ZHX2: variants seen among roughly 807,000 people sequenced by gnomAD.
ZHX2 encodes zinc fingers and homeoboxes 2, also known as zinc fingers and homeoboxes protein 2.
A neutral mutation model predicts 21.9 loss-of-function variants in ZHX2; 6 were observed. The observed-to-expected ratio is 0.27, with a 90% confidence interval of 0.15 to 0.54. The LOEUF is 0.54. ZHX2 is among the 20% of genes least tolerant of loss of function. The probability of loss-of-function intolerance (pLI) is 0.95; values close to 1 mark genes in which losing one functional copy is unlikely to be tolerated. For missense variants in ZHX2, 908 were observed against 1,090.7 expected, an observed-to-expected ratio of 0.83 and a Z score of 2.36; for synonymous variants, 434 against 437.1, an observed-to-expected ratio of 0.99 and a Z score of 0.09.
At chr8:122,787,507 A>C (rs1447103538) in intron 1 of ZHX2, among the ~76,000 whole-genome samples, 1 of 152,208 alleles carries the variant, frequency 6.6e-6, no homozygotes, top group East Asian at 1.9e-4. Flanking sequence ...GCACATGTCT[A>C]GTTTGGGATG....
At chr8:122,829,434 T>C (rs529165235) in intron 1 of ZHX2, among the ~76,000 whole-genome samples, 2 of 152,380 alleles carry the variant, frequency 1.3e-5, no homozygotes, top group Admixed American at 1.3e-4. Context: ...ACTATGCTAG[T>C]TTTTTCTTTA....
At chr8:122,868,763 G>C (rs1212308698) in intron 2 of ZHX2, among the ~76,000 whole-genome samples, 1 of 151,806 alleles carries the variant, frequency 6.6e-6, no homozygotes, top group African/African-American at 2.4e-5. Context: ...AAGAGGCTGA[G>C]GCAGGAGGAT....
intron 1 of ZHX2, among the ~76,000 whole-genome samples, chr8:122,837,542 CTG>C (rs1818530648): frequency 6.6e-6 from 1 of 152,218 alleles, no homozygotes; most frequent in Non-Finnish European, 1.5e-5. Context: ...TCATTTGCAT[CTG>C]GTGGTCAGAT....
intron 1 of ZHX2, among the ~76,000 whole-genome samples, chr8:122,792,889 G>A (rs34892884): frequency 0.041 from 6,285 of 152,200 alleles, 169 homozygotes; most frequent in South Asian, 0.066. Context: ...TACCTGATTC[G>A]CAGCGTACCT....
chr8:122,885,878 C>T (rs1391998481), intron 2 of ZHX2, among the ~76,000 whole-genome samples: 1 of 152,130 alleles, frequency 6.6e-6, no homozygotes, highest in African/African-American at 2.4e-5. Flanking sequence ...GGCTGTGTGG[C>T]CTAGTGGGCT....
chr8:122,910,753 G>A (rs1248566643), intron 2 of ZHX2, among the ~76,000 whole-genome samples: 1 of 151,542 alleles, frequency 6.6e-6, no homozygotes, highest in African/African-American at 2.4e-5. Context: ...GGGGGGTGGG[G>A]GGTGAGGAAT....
chr8:122,802,167 G>A (rs192629422), intron 1 of ZHX2, among the ~76,000 whole-genome samples: 60 of 152,222 alleles, frequency 3.9e-4, no homozygotes, highest in African/African-American at 1.3e-3. Context: ...CGGTTCCAGC[G>A]ATTTTCCTGC....
chr8:122,786,592 C>T (rs140715257), intron 1 of ZHX2, among the ~76,000 whole-genome samples: 197 of 152,330 alleles, frequency 1.3e-3, no homozygotes, highest in African/African-American at 4.6e-3. Flanking sequence ...ACCGTCATCA[C>T]TGCAACCACC....
At chr8:122,930,853 AGGGGGACCGGCT>A (rs1820972191) in intron 2 of ZHX2, among the ~76,000 whole-genome samples, 1 of 151,924 alleles carries the variant, frequency 6.6e-6, no homozygotes, top group African/African-American at 2.4e-5. Flanking sequence ...CATGGGAAGT[AGGGGGACCGGCT>A]GGCACACTGG....
intron 1 of ZHX2, among the ~76,000 whole-genome samples, chr8:122,844,919 T>C (rs1209407587): frequency 1.3e-5 from 2 of 152,226 alleles, no homozygotes; most frequent in African/African-American, 4.8e-5. Context: ...CTGAAGAGAA[T>C]CTACTGCCCA....
intron 2 of ZHX2, among the ~76,000 whole-genome samples, chr8:122,892,306 T>C (rs1216169420): frequency 6.6e-6 from 1 of 152,240 alleles, no homozygotes; most frequent in East Asian, 1.9e-4. Context: ...TTTCTGTCTA[T>C]GTGCGTCTTT....
chr8:122,812,304 C>G (rs1276398387), intron 1 of ZHX2, among the ~76,000 whole-genome samples: 1 of 152,198 alleles, frequency 6.6e-6, no homozygotes, highest in African/African-American at 2.4e-5. Context: ...GACCTCATGC[C>G]TTTCAGAGTG....
chr8:122,875,998 GCATCCATCCATCCATCCCATT>G (rs1819562308), intron 2 of ZHX2, among the ~76,000 whole-genome samples: 1 of 152,022 alleles, frequency 6.6e-6, no homozygotes, highest in African/African-American at 2.4e-5. Context: ...TTGGGTTTTG[GCATCCATCCATCCATCCCATT>G]CATCCATCCA....
At position 122,951,866 on chromosome 8, in the gene ZHX2, C is replaced by T. The variant is rs940186898; in HGVS notation, c.356C>T (p.Thr119Ile). The T allele has an allele frequency of 1.4e-5, 22 of 1,614,118 alleles. No homozygotes were observed. Among genetic ancestry groups the T allele is most frequent in the Non-Finnish European group, 1.8e-5 (21 of 1,180,022 alleles). Residue 119 changes from threonine to isoleucine, a missense_variant, in exon 3 of 4, where the codon ACC becomes ATC. This residue lies in a region of ZHX2 where 220 missense variants were observed against 251.4 expected (regional missense o/e 0.88). Coordinates refer to ENST00000314393, the MANE Select transcript of ZHX2 (RefSeq NM_014943.5). ...GTGTGTGCAGAATGTAACTTCACAACCAAAAAGTACGACTCCCTATCCGAC... is the reference window on the plus strand; with the variant it reads ...GTGTGTGCAGAATGTAACTTCACAATCAAAAAGTACGACTCCCTATCCGAC... The part of the protein sequence containing the change: ...LYVCAECNFT[T>I]KKYDSLSDHN...
At chr8:122,960,337 G>A (rs958774094) in intron 3 of ZHX2, among the ~76,000 whole-genome samples, 5 of 151,924 alleles carry the variant, frequency 3.3e-5, no homozygotes, top group African/African-American at 7.3e-5. Flanking sequence ...TCAGGACTTC[G>A]CACAAACCTG....
At chr8:122,959,045 C>A (rs369843559) in intron 3 of ZHX2, among the ~76,000 whole-genome samples, 13 of 152,170 alleles carry the variant, frequency 8.5e-5, no homozygotes, top group South Asian at 6.2e-4. Context: ...TCCCACCAAC[C>A]TACATGTGCA....
At chr8:122,839,854 A>C (rs2130706172) in intron 1 of ZHX2, among the ~76,000 whole-genome samples, 1 of 152,350 alleles carries the variant, frequency 6.6e-6, no homozygotes, top group East Asian at 1.9e-4. Flanking sequence ...GAGAGACAGA[A>C]TCTTTTAAAC....
intron 2 of ZHX2, among the ~76,000 whole-genome samples, chr8:122,926,071 A>G (rs891673202): frequency 1.3e-5 from 2 of 152,180 alleles, no homozygotes; most frequent in Non-Finnish European, 2.9e-5. Flanking sequence ...AGCCACACGC[A>G]TGCGCCCCAG....
intron 2 of ZHX2, among the ~76,000 whole-genome samples, chr8:122,911,451 T>G (rs887212239): frequency 6.6e-6 from 1 of 151,914 alleles, no homozygotes; most frequent in Admixed American, 6.6e-5. Context: ...ACTTTCCACC[T>G]GGGGCCGGGG....
Sources: gnomAD v4.1 joint callset for allele counts (sites outside exome capture counted in the v4.1 genomes callset) on GRCh38, gnomAD v4.1.1 for gene constraint, gnomAD v4.1.1 regional missense constraint, MANE v1.5 for transcripts, NCBI Gene and HGNC (gene_info 2026-07-23, HGNC 2026-07-21) for gene names.